The following CDK17 variants were observed in gnomAD, a reference collection of about 807,000 sequenced individuals.
CDK17 encodes the protein cyclin-dependent kinase 17.
A neutral mutation model predicts 77.6 loss-of-function variants in CDK17; 24 were observed. That is an observed-to-expected ratio of 0.31 (90% CI 0.22 to 0.44). The LOEUF (loss-of-function observed/expected upper bound fraction) is 0.44. Among genes scored for constraint, CDK17 ranks in the 20% least tolerant of loss-of-function variants. CDK17 has a pLI of 1.00. For missense variants in CDK17, 429 were observed against 622.5 expected (o/e 0.69, Z 3.31); for synonymous variants, 203 against 210.4 (o/e 0.96, Z 0.30).
At chr12:96,388,567 C>G (rs1244705197) in intron 1 of CDK17, among the ~76,000 whole-genome samples, 1 of 152,190 alleles carries the variant, frequency 6.6e-6, no homozygotes, top group African/African-American at 2.4e-5. Context: ...TTGTGAATCA[C>G]TGATTTAGAC....
intron 4 of CDK17, among the ~76,000 whole-genome samples, chr12:96,311,891 A>G (rs1328361984): frequency 6.6e-6 from 1 of 152,202 alleles, no homozygotes; most frequent in East Asian, 1.9e-4. Flanking sequence ...AAATCACAAT[A>G]AGCTTATTCT....
intron 15 of CDK17, chr12:96,281,733 G>A (rs1417529935): frequency 6.6e-6 from 1 of 152,202 alleles, no homozygotes; most frequent in Non-Finnish European, 1.5e-5. Context: ...TGTCAGAGAG[G>A]TATTCTTTCA....
At chr12:96,346,217 C>T (rs918393148) in intron 1 of CDK17, among the ~76,000 whole-genome samples, 3 of 151,350 alleles carry the variant, frequency 2.0e-5, no homozygotes, top group African/African-American at 7.3e-5. Flanking sequence ...CTTTGGAAGG[C>T]GGAGGCGGGC....
chr12:96,324,218 C>T (rs781445981), intron 2 of CDK17, 106 bp from the exon 3 acceptor site: 62 of 638,668 alleles, frequency 9.7e-5, no homozygotes, highest in Non-Finnish European at 1.5e-4. Context: ...GAGATTAGTA[C>T]ATTTAGCCTC....
chr12:96,390,118 G>A (rs1409794649), intron 1 of CDK17, among the ~76,000 whole-genome samples: 6 of 148,956 alleles, frequency 4.0e-5, no homozygotes, highest in Admixed American at 2.7e-4. Context: ...GTGAGACAGC[G>A]CGCCCGGCTG....
chr12:96,394,049 C>T (rs1480939456), intron 1 of CDK17, among the ~76,000 whole-genome samples: 1 of 151,836 alleles, frequency 6.6e-6, no homozygotes, highest in African/African-American at 2.4e-5. Flanking sequence ...AGCTCAAGAC[C>T]AGCCTGGCCA....
At chr12:96,366,167 C>G (rs183587486) in intron 1 of CDK17, among the ~76,000 whole-genome samples, 1 of 152,302 alleles carries the variant, frequency 6.6e-6, no homozygotes, top group East Asian at 1.9e-4. Context: ...CTTTCCTAGA[C>G]TGGCCATGTA....
At chr12:96,359,377 C>T (rs147519141) in intron 1 of CDK17, among the ~76,000 whole-genome samples, 167 of 152,304 alleles carry the variant, frequency 1.1e-3, no homozygotes, top group African/African-American at 3.9e-3. Flanking sequence ...TATTCTCTTT[C>T]ATGTTATACA....
chr12:96,324,149 A>C (rs758114588), intron 2 of CDK17, 37 bp from the exon 3 acceptor site: 7 of 1,532,762 alleles, frequency 4.6e-6, no homozygotes, highest in African/African-American at 1.4e-5. Flanking sequence ...TTCCATCATC[A>C]GTCCAAGATC....
chr12:96,367,248 G>A (rs1347528820), intron 1 of CDK17, among the ~76,000 whole-genome samples: 1 of 149,930 alleles, frequency 6.7e-6, no homozygotes, highest in African/African-American at 2.5e-5. Context: ...GGCAGGCTGA[G>A]GCGGGAGAAT....
Position 96,324,001 on chromosome 12 carries a change from A to C in CDK17, c.230T>G (p.Ile77Ser). 1.2e-6 allele frequency: 2 copies of C among 1,609,474 alleles called. No homozygotes were observed. Among genetic ancestry groups the C allele is most frequent in the East Asian group, 2.2e-5 (1 of 44,808 alleles). Residue 77 changes from isoleucine to serine, a missense_variant, in exon 3 of 17, where the codon ATT becomes AGT. Around this residue, in one of 4 missense-constraint regions of CDK17, gnomAD observed 262 missense variants for 385.4 expected, o/e 0.68. Transcript: ENST00000261211. ...KPPLRRPHSV[I>S]GGSLGSFMAM... is the part of the protein sequence containing the mutation. ...CATGAAGGAGCCAAGGCTCCCTCCA[A>C]TAACACTGTGTGGTCTCCGCAATGG...
chr12:96,394,913 G>C (rs1038571678), intron 1 of CDK17, among the ~76,000 whole-genome samples: 1 of 143,504 alleles, frequency 7.0e-6, no homozygotes, highest in African/African-American at 2.6e-5. Context: ...GTCTTGCTCT[G>C]TCGCCAGGCT....
At chr12:96,316,104 G>A (rs901326914) in intron 3 of CDK17, among the ~76,000 whole-genome samples, 3 of 152,176 alleles carry the variant, frequency 2.0e-5, no homozygotes, top group African/African-American at 4.8e-5. Flanking sequence ...TGTGCGCACC[G>A]TGCACTAGCC....
chr12:96,335,485 C>G (rs551097009), intron 1 of CDK17, among the ~76,000 whole-genome samples: 1 of 152,164 alleles, frequency 6.6e-6, no homozygotes, highest in African/African-American at 2.4e-5. Flanking sequence ...GCCTGCCACA[C>G]AGCAGACACT....
intron 1 of CDK17, among the ~76,000 whole-genome samples, chr12:96,358,880 G>A (rs1245663118): frequency 2.4e-5 from 3 of 124,656 alleles, no homozygotes; most frequent in Admixed American, 1.1e-4. Flanking sequence ...AGGGATATAT[G>A]GCTAGAGTCA....
intron 9 of CDK17, 37 bp from the exon 10 acceptor site, chr12:96,295,159 T>C (rs755017949): frequency 6.5e-6 from 10 of 1,528,722 alleles, no homozygotes; most frequent in Non-Finnish European, 8.9e-6. Flanking sequence ...GTCTTAAAGA[T>C]GAGACATGCT....
intron 2 of CDK17, among the ~76,000 whole-genome samples, chr12:96,325,376 TCTAC>T (rs1312790383): frequency 6.6e-6 from 1 of 152,258 alleles, no homozygotes; most frequent in Non-Finnish European, 1.5e-5. Flanking sequence ...AGGGGATTCC[TCTAC>T]CTGTTTCTCA....
intron 1 of CDK17, among the ~76,000 whole-genome samples, chr12:96,350,142 T>C (rs973223277): frequency 2.0e-5 from 3 of 152,208 alleles, no homozygotes; most frequent in Non-Finnish European, 2.9e-5. Flanking sequence ...AATGAAAGTA[T>C]ATCCCATAGT....
At chr12:96,300,691 C>G (rs1952487619) in intron 5 of CDK17, among the ~76,000 whole-genome samples, 1 of 152,190 alleles carries the variant, frequency 6.6e-6, no homozygotes, top group Admixed American at 6.5e-5. Context: ...GCCACCGCGC[C>G]CAGCCTTGTA....
Sources: allele counts gnomAD v4.1 joint callset (sites outside exome capture counted in the v4.1 genomes callset), GRCh38; gene constraint gnomAD v4.1.1; regional missense constraint gnomAD v4.1.1; transcripts MANE v1.5; gene names NCBI Gene and HGNC (gene_info 2026-07-23, HGNC 2026-07-21).